Variants in PLOD2 observed in about 807,000 individuals in gnomAD.
PLOD2 encodes the protein lysine hydroxylase 2.
In PLOD2, 65 loss-of-function variants were observed where a neutral mutation model predicts 101.0. The ratio of observed to expected loss-of-function variants is 0.64; its 90% CI spans 0.53 to 0.79. The LOEUF (loss-of-function observed/expected upper bound fraction) is 0.79. Among genes scored for constraint, PLOD2 ranks in the 30% least tolerant of loss-of-function variants. The pLI, the probability that PLOD2 is intolerant of heterozygous loss-of-function variation, is 0.00. For synonymous variants in PLOD2, 314 were observed against 302.9 expected (o/e 1.04, Z -0.38); for missense variants, 909 against 914.6 (o/e 0.99, Z 0.08).
At position 146,081,029 on chromosome 3, in the gene PLOD2, GT is replaced by G. The variant is rs5853263; in HGVS notation, c.1358+708del. On this transcript the variant is annotated intron_variant, in intron 12 of 19. Transcript: ENST00000282903. Reference sequence around the variant, plus strand: ...TGCCCCTTTTTAATCAGGCTGACATGTTTGAGAACTAAGGCAAAGCATGTAA... The same window carrying G: ...TGCCCCTTTTTAATCAGGCTGACATGTTGAGAACTAAGGCAAAGCATGTAA... 7.6e-3 allele frequency among the ~76,000 whole-genome samples: 1,151 copies of G among 151,884 alleles called. 16 individuals are homozygous for G. Among genetic ancestry groups the G allele is most frequent in the African/African-American group, 0.027 (1,106 of 41,414 alleles).
At chr3:146,133,344 T>A (rs1409784560) in intron 1 of PLOD2, among the ~76,000 whole-genome samples, 2 of 152,138 alleles carry the variant, frequency 1.3e-5, no homozygotes, top group African/African-American at 4.8e-5. Context: ...ATTCTCACAA[T>A]CTCAAAAGTA....
intron 4 of PLOD2, among the ~76,000 whole-genome samples, chr3:146,107,105 T>C (rs577783584): frequency 6.6e-6 from 1 of 152,328 alleles, no homozygotes; most frequent in Non-Finnish European, 1.5e-5. Flanking sequence ...GAGATGCTAA[T>C]GCAATCAAAC....
At chr3:146,141,624 T>C (rs900513994) in intron 1 of PLOD2, among the ~76,000 whole-genome samples, 15 of 152,170 alleles carry the variant, frequency 9.9e-5, no homozygotes, top group South Asian at 4.1e-4. Context: ...ACGAAGTAAA[T>C]GCTGGAATTG....
chr3:146,082,895 A>C (rs1936612734), intron 11 of PLOD2, among the ~76,000 whole-genome samples: 1 of 152,098 alleles, frequency 6.6e-6, no homozygotes, highest in South Asian at 2.1e-4. Flanking sequence ...ACTCCATCTC[A>C]AAAAAATAAA....
chr3:146,134,993 AG>A (rs2031147927), intron 1 of PLOD2, among the ~76,000 whole-genome samples: 1 of 152,262 alleles, frequency 6.6e-6, no homozygotes, highest in Non-Finnish European at 1.5e-5. Context: ...TGACTGAAAC[AG>A]GAACAAAAAT....
At chr3:146,080,950 G>A (rs1055261309) in intron 12 of PLOD2, among the ~76,000 whole-genome samples, 2 of 151,700 alleles carry the variant, frequency 1.3e-5, no homozygotes, top group African/African-American at 4.9e-5. Context: ...ACAGAAACGT[G>A]TGCCTTTTTT....
At chr3:146,146,646 G>A (rs1432398528) in intron 1 of PLOD2, among the ~76,000 whole-genome samples, 3 of 152,160 alleles carry the variant, frequency 2.0e-5, no homozygotes, top group Non-Finnish European at 4.4e-5. Context: ...AACAGAGACA[G>A]CTTCTCCATC....
At chr3:146,072,447 C>G in intron 17 of PLOD2, 114 bp downstream of exon 17, 2 of 753,322 alleles carry the variant, frequency 2.7e-6, no homozygotes, top group South Asian at 3.0e-5. Context: ...GCCAATTTAT[C>G]TAAGTCTAGA....
chr3:146,139,747 C>T (rs1051899556), intron 1 of PLOD2, among the ~76,000 whole-genome samples: 4 of 152,106 alleles, frequency 2.6e-5, no homozygotes, highest in Non-Finnish European at 5.9e-5. Context: ...CAAATGCCAT[C>T]ACTTTAAGTC....
chr3:146,122,800 G>T (rs1434812715), intron 2 of PLOD2, among the ~76,000 whole-genome samples: 1 of 152,052 alleles, frequency 6.6e-6, no homozygotes, highest in Non-Finnish European at 1.5e-5. Flanking sequence ...ACCTTACATG[G>T]TTCATATAGT....
At position 146,070,089 on chromosome 3, in the gene PLOD2, A is replaced by G. The variant is rs933893546; in HGVS notation, c.*628T>C. The G allele has an allele frequency of 1.1e-4, 17 of 151,922 alleles. No individual in the cohort carries two copies. The highest frequency in any genetic ancestry group is 4.1e-4 in the African/African-American group (17 of 41,432). 9.4% of individuals were successfully genotyped at this position (151,922 alleles called of 1,614,324 possible). Reference sequence around the variant, plus strand: ...TGATTTTTAATACTAATATAAAATAATCTGCCTTCCAATCAAAACAAAAAT... The same window carrying G: ...TGATTTTTAATACTAATATAAAATAGTCTGCCTTCCAATCAAAACAAAAAT... On this transcript the variant is annotated 3_prime_UTR_variant, in exon 20 of 20. Coordinates refer to ENST00000282903, the MANE Select transcript of PLOD2 (RefSeq NM_182943.3).
intron 11 of PLOD2, among the ~76,000 whole-genome samples, chr3:146,082,710 G>A (rs986721873): frequency 7.2e-5 from 11 of 152,146 alleles, no homozygotes; most frequent in Non-Finnish European, 5.9e-5. Flanking sequence ...GACCAACATG[G>A]TGAAATCCCA....
In PLOD2 at chr3:146,155,211, T is replaced by C. The variant is rs180889001; in HGVS notation, c.109+5670A>G. The stretch of plus-strand genomic sequence containing the variant: ...ACAACAGAGTTGCAGTCCCAGCTAC[T>C]TGGGAGGCTGAGGTGATAAGCAGGA... On this transcript the variant is annotated intron_variant, in intron 1 of 19. Coordinates refer to ENST00000282903, the MANE Select transcript of PLOD2 (RefSeq NM_182943.3). Among the ~76,000 whole-genome samples, 21 of 152,188 alleles carry C rather than the reference T, an allele frequency of 1.4e-4. No homozygotes were observed. In the East Asian group the frequency reaches 3.5e-3, roughly 25 times the overall value.
At chr3:146,151,784 GTTCA>G (rs796068740) in intron 1 of PLOD2, among the ~76,000 whole-genome samples, 4 of 140,582 alleles carry the variant, frequency 2.8e-5, no homozygotes, top group African/African-American at 1.0e-4. Flanking sequence ...GTTTTTGTTT[GTTCA>G]TTCTGGTTTG....
At chr3:146,081,943 T>C (rs1288542197) in intron 11 of PLOD2, 80 bp from the exon 12 acceptor site, 1 of 1,337,688 alleles carries the variant, frequency 7.5e-7, no homozygotes, top group Non-Finnish European at 1.0e-6. Context: ...ATTATGTATT[T>C]TGGGCTTAGT....
In PLOD2 at chr3:146,076,985, CTATCTTTA is replaced by C. The variant is rs1398001264; in HGVS notation, c.1564-98_1564-91del. On this transcript the variant is annotated intron_variant, in intron 14 of 19. Transcript: ENST00000282903. ...AAAAATATATAGAAGATATTAATTT[CTATCTTTA>C]TATTTCATTTATGAACATGCATTTT... 7 of 1,221,518 alleles carry C rather than the reference CTATCTTTA, an allele frequency of 5.7e-6. No homozygotes were observed. In the African/African-American group the frequency reaches 7.7e-5, roughly 13 times the overall value. The allele number at this position is 1,221,518 out of a possible 1,614,324, so 75.7% of individuals were successfully genotyped here. A position where few individuals can be genotyped will look rare whatever the true frequency, so the allele number is the denominator to read the frequency against.
At chr3:146,086,319 G>A (rs746109131) in intron 10 of PLOD2, 39 of 152,494 alleles carry the variant, frequency 2.6e-4, no homozygotes, top group Non-Finnish European at 4.5e-4. Flanking sequence ...GTAGAATGAA[G>A]CATTAACAGG....
chr3:146,081,753 A>G lies in PLOD2; in HGVS notation c.1343T>C (p.Val448Ala), dbSNP rs1466731784. The stretch of plus-strand genomic sequence containing the variant: ...AGTAACTTACACTCTATTCCCTTGA[A>G]CAATATCCACATAATCTTCAGATCG... The part of the protein sequence containing the change: ...YARSEDYVDI[V>A]QGNRVGVWNV... Residue 448 changes from valine to alanine, a missense_variant, in exon 12 of 20, where the codon GTT (valine) becomes GCT (alanine). By Grantham distance (64) the Val-to-Ala change is moderately conservative. Coordinates refer to ENST00000282903, the MANE Select transcript of PLOD2 (RefSeq NM_182943.3). The G allele has an allele frequency of 1.9e-6, 3 of 1,608,556 alleles. No individual in the cohort carries two copies. Among genetic ancestry groups the G allele is most frequent in the Non-Finnish European group, 2.6e-6 (3 of 1,175,238 alleles).
intron 7 of PLOD2, among the ~76,000 whole-genome samples, chr3:146,092,306 A>C (rs1394878005): frequency 6.6e-6 from 1 of 152,100 alleles, no homozygotes; most frequent in Admixed American, 6.5e-5. Flanking sequence ...TTAAAGGCTG[A>C]GCACAGACAC....
Sources: gnomAD v4.1 joint callset for allele counts (sites outside exome capture counted in the v4.1 genomes callset) on GRCh38, gnomAD v4.1.1 for gene constraint, MANE v1.5 for transcripts, NCBI Gene and HGNC (gene_info 2026-07-23, HGNC 2026-07-21) for gene names.